The following BICC1 variants were observed in gnomAD, a reference collection of about 807,000 sequenced individuals.
The protein encoded by BICC1 is BicC family RNA binding protein 1, also known as protein bicaudal C homolog 1.
BICC1 carries 43 observed loss-of-function variants against 111.0 expected under a neutral mutation model. The ratio of observed to expected loss-of-function variants is 0.39; its 90% CI spans 0.30 to 0.50. BICC1 has a LOEUF of 0.50. Among genes scored for constraint, BICC1 ranks in the 20% least tolerant of loss-of-function variants. BICC1 has a pLI of 0.88. For missense variants in BICC1, 1,091 were observed against 1,203.2 expected, an observed-to-expected ratio of 0.91 and a Z score of 1.38; for synonymous variants, 467 against 434.4, an observed-to-expected ratio of 1.07 and a Z score of -0.93.
chr10:58,521,620 G>A (rs1564469576), intron 1 of BICC1, among the ~76,000 whole-genome samples: 1 of 151,410 alleles, frequency 6.6e-6, no homozygotes, highest in Non-Finnish European at 1.5e-5. Flanking sequence ...TTATTAGAAA[G>A]CAATTGAATT....
chr10:58,658,192 C>G (rs1838721785), intron 2 of BICC1, among the ~76,000 whole-genome samples: 1 of 152,104 alleles, frequency 6.6e-6, no homozygotes, highest in Non-Finnish European at 1.5e-5. Flanking sequence ...ATTAACAGCT[C>G]TCTGCTTTTT....
chr10:58,809,553 A>G (rs1459822556), intron 17 of BICC1, among the ~76,000 whole-genome samples: 1 of 152,068 alleles, frequency 6.6e-6, no homozygotes, highest in East Asian at 1.9e-4. Flanking sequence ...TCTTACTGAT[A>G]TTGAGTGGCT....
chr10:58,798,078 G>A (rs1471339543), intron 10 of BICC1, among the ~76,000 whole-genome samples: 1 of 152,156 alleles, frequency 6.6e-6, no homozygotes, highest in Non-Finnish European at 1.5e-5. Flanking sequence ...GTTTCCACTT[G>A]AGCAGAATTT....
intron 3 of BICC1, among the ~76,000 whole-genome samples, chr10:58,722,836 T>C (rs1224846041): frequency 1.3e-5 from 2 of 152,184 alleles, no homozygotes; most frequent in Admixed American, 6.5e-5. Flanking sequence ...GAAGCTTATT[T>C]GAGTGAGCTT....
intron 2 of BICC1, among the ~76,000 whole-genome samples, chr10:58,697,783 T>C (rs1840107101): frequency 6.6e-6 from 1 of 152,128 alleles, no homozygotes; most frequent in Admixed American, 6.5e-5. Context: ...GTACTGGGGT[T>C]CCTGGACCAA....
At chr10:58,520,918 T>A (rs532973434) in intron 1 of BICC1, among the ~76,000 whole-genome samples, 49 of 152,202 alleles carry the variant, frequency 3.2e-4, no homozygotes, top group African/African-American at 1.1e-3. Flanking sequence ...GTACCATATG[T>A]CAGGTGCAGT....
intron 20 of BICC1, among the ~76,000 whole-genome samples, chr10:58,825,274 G>T (rs552315393): frequency 6.6e-6 from 1 of 152,220 alleles, no homozygotes; most frequent in East Asian, 1.9e-4. Context: ...GAACAACATG[G>T]ATTTGAACTG....
At chr10:58,643,735 C>T (rs373692287) in intron 2 of BICC1, among the ~76,000 whole-genome samples, 5 of 152,308 alleles carry the variant, frequency 3.3e-5, no homozygotes, top group African/African-American at 1.2e-4. Context: ...ATCTGAGCTT[C>T]CTCCATGGCC....
At chr10:58,819,228 G>A (rs952259799) in intron 19 of BICC1, among the ~76,000 whole-genome samples, 6 of 152,278 alleles carry the variant, frequency 3.9e-5, no homozygotes, top group African/African-American at 1.4e-4. Context: ...GGTCCTTTAA[G>A]AGAAAGCTGG....
At chr10:58,787,105 T>C (rs1175276658) in intron 5 of BICC1, 24 bp downstream of exon 5, 1 of 1,536,892 alleles carries the variant, frequency 6.5e-7, no homozygotes, top group Non-Finnish European at 8.7e-7. Context: ...TCACATGAAC[T>C]TTTATGGGAT....
chr10:58,595,243 T>C (rs535832452), intron 1 of BICC1, among the ~76,000 whole-genome samples: 28 of 152,294 alleles, frequency 1.8e-4, no homozygotes, highest in African/African-American at 6.3e-4. Context: ...CAAAGAGACT[T>C]AGACTCCCAC....
intron 1 of BICC1, among the ~76,000 whole-genome samples, chr10:58,536,244 T>G (rs1437484494): frequency 1.3e-5 from 2 of 151,618 alleles, no homozygotes; most frequent in Admixed American, 1.3e-4. Context: ...AACATTCTAC[T>G]CAAGAACTAC....
At chr10:58,824,941 G>A (rs1012939562) in intron 20 of BICC1, among the ~76,000 whole-genome samples, 5 of 152,196 alleles carry the variant, frequency 3.3e-5, no homozygotes, top group East Asian at 1.9e-4. Context: ...ATAAAACAAC[G>A]TAATCTGTTT....
intron 2 of BICC1, among the ~76,000 whole-genome samples, chr10:58,660,546 C>T (rs10763572): frequency 0.99 from 151,161 of 152,250 alleles, 75,050 homozygotes; most frequent in Middle Eastern, 1. Context: ...TAGTGTACTT[C>T]TAGCCCGTCT....
At chr10:58,636,559 C>T (rs1185980669) in intron 2 of BICC1, among the ~76,000 whole-genome samples, 3 of 152,182 alleles carry the variant, frequency 2.0e-5, no homozygotes, top group African/African-American at 7.2e-5. Flanking sequence ...TGATGATATG[C>T]ATTCTTCCAT....
At chr10:58,645,861 G>T (rs956442643) in intron 2 of BICC1, among the ~76,000 whole-genome samples, 1 of 152,140 alleles carries the variant, frequency 6.6e-6, no homozygotes, top group Non-Finnish European at 1.5e-5. Context: ...TTTATTTGGT[G>T]TTCTCCTTTC....
chr10:58,718,880 T>C, intron 3 of BICC1, among the ~76,000 whole-genome samples: 1 of 152,206 alleles, frequency 6.6e-6, no homozygotes, highest in East Asian at 1.9e-4. Context: ...TCATTGAATT[T>C]CTGAGTTTTC....
At chr10:58,543,298 T>C (rs1375810087) in intron 1 of BICC1, among the ~76,000 whole-genome samples, 1 of 152,066 alleles carries the variant, frequency 6.6e-6, no homozygotes, top group African/African-American at 2.4e-5. Flanking sequence ...TTACATGAGG[T>C]ATCTAAAATA....
intron 2 of BICC1, among the ~76,000 whole-genome samples, chr10:58,686,424 TG>T (rs1297339988): frequency 6.6e-6 from 1 of 152,206 alleles, no homozygotes; most frequent in African/African-American, 2.4e-5. Flanking sequence ...CTTGCTAGTT[TG>T]GGGAAATTTC....
Sources: allele counts gnomAD v4.1 joint callset (sites outside exome capture counted in the v4.1 genomes callset), GRCh38; gene constraint gnomAD v4.1.1; transcripts MANE v1.5; gene names NCBI Gene and HGNC (gene_info 2026-07-23, HGNC 2026-07-21).